Variants in GALNT13 observed in about 807,000 individuals in gnomAD.
The protein encoded by GALNT13 is polypeptide N-acetylgalactosaminyltransferase 13, also known as UDP-GalNAc:polypeptide N-acetylgalactosaminyltransferase 13.
In GALNT13, 28 loss-of-function variants were observed where a neutral mutation model predicts 64.2. That is an observed-to-expected ratio of 0.44 (90% CI 0.32 to 0.60). The LOEUF is 0.60. GALNT13 is among the 20% of genes least tolerant of loss of function. The pLI is 0.05. For synonymous variants in GALNT13, 214 were observed against 224.6 expected, an observed-to-expected ratio of 0.95 and a Z score of 0.42; for missense variants, 577 against 669.8, an observed-to-expected ratio of 0.86 and a Z score of 1.53.
At chr2:153,765,061 G>A in the GALNT13 span, among the ~76,000 whole-genome samples, 2 of 152,244 alleles carry the variant, frequency 1.3e-5, no homozygotes, top group Non-Finnish European at 2.9e-5. Context: ...CGGGGACGTA[G>A]TCCTCATGAA....
chr2:153,319,430 T>A, the GALNT13 span, among the ~76,000 whole-genome samples: 2 of 152,104 alleles, frequency 1.3e-5, no homozygotes, highest in Non-Finnish European at 2.9e-5. Context: ...CATATCCCCA[T>A]GCCCAGGTAG....
chr2:153,841,111 G>A, the GALNT13 span, among the ~76,000 whole-genome samples: 3 of 151,940 alleles, frequency 2.0e-5, no homozygotes, highest in Non-Finnish European at 4.4e-5. Context: ...ATATTTTAGT[G>A]TCATAACAAT....
chr2:153,710,299 A>AT, the GALNT13 span, among the ~76,000 whole-genome samples: 1 of 152,106 alleles, frequency 6.6e-6, no homozygotes, highest in South Asian at 2.1e-4. Flanking sequence ...CTTTTAAAAC[A>AT]TGAAACTACA....
the GALNT13 span, among the ~76,000 whole-genome samples, chr2:153,171,427 A>G: frequency 6.6e-6 from 1 of 152,198 alleles, no homozygotes; most frequent in Non-Finnish European, 1.5e-5. Context: ...TATTATTTAG[A>G]AATGCAAAAA....
the GALNT13 span, among the ~76,000 whole-genome samples, chr2:153,854,304 G>A: frequency 9.2e-5 from 14 of 151,836 alleles, no homozygotes; most frequent in African/African-American, 3.4e-4. Flanking sequence ...ATCAGGCCGG[G>A]TGCAGTGGCT....
Position 154,450,559 on chromosome 2 carries a change from GTCCTCCA to G in GALNT13, c.*9_*15del. The G allele has an allele frequency of 6.3e-7, 1 of 1,590,892 alleles. No homozygotes were observed. Among genetic ancestry groups the G allele is most frequent in the Non-Finnish European group, 8.5e-7 (1 of 1,171,614 alleles). ...ATGACCTTGGGCACATGAAGATCATGTCCTCCAAGCCATGAAAGTGTCTACGCTTTTG... is the reference window on the plus strand; with the variant it reads ...ATGACCTTGGGCACATGAAGATCATGAGCCATGAAAGTGTCTACGCTTTTG... On this transcript the variant is annotated 3_prime_UTR_variant, in exon 13 of 13. Coordinates refer to ENST00000392825, the MANE Select transcript of GALNT13 (RefSeq NM_052917.4).
At chr2:153,880,996 A>T (rs1040288023) in intron 1 of GALNT13, among the ~76,000 whole-genome samples, 6 of 152,196 alleles carry the variant, frequency 3.9e-5, no homozygotes, top group African/African-American at 1.4e-4. Context: ...AAGGAAATTA[A>T]AAAAGGCTGT....
intron 4 of GALNT13, among the ~76,000 whole-genome samples, chr2:154,240,766 G>A (rs1689438647): frequency 6.6e-6 from 1 of 152,186 alleles, no homozygotes; most frequent in Non-Finnish European, 1.5e-5. Flanking sequence ...AAGGACAGAG[G>A]ACTTTCTGTA....
chr2:153,477,856 A>C, the GALNT13 span: 8 of 229,940 alleles, frequency 3.5e-5, no homozygotes, highest in Non-Finnish European at 5.9e-5. Context: ...CAAGGCGATC[A>C]GTGCCGCTGG....
In GALNT13 at chr2:154,140,194, TAATCAGTAA is replaced by T. The variant is rs1683178858; in HGVS notation, c.143-138_143-130del. The T allele has an allele frequency of 6.9e-6, 4 of 577,010 alleles. No homozygotes were observed. In the Admixed American group the frequency reaches 1.0e-4, roughly 15 times the overall value. The allele number at this position is 577,010 out of a possible 1,614,324, so 35.7% of individuals were successfully genotyped here. A position where few individuals can be genotyped will look rare whatever the true frequency, so the allele number is the denominator to read the frequency against. ...TTTCTTTAGCAGAGTGTGTGGTTTATAATCAGTAAAATCTTGATCATTATATTATAAAAC... is the reference window on the plus strand; with the variant it reads ...TTTCTTTAGCAGAGTGTGTGGTTTATAATCTTGATCATTATATTATAAAAC... On this transcript the variant is annotated intron_variant, in intron 3 of 12. Coordinates refer to ENST00000392825, the MANE Select transcript of GALNT13 (RefSeq NM_052917.4).
rs569770996 is a variant in GALNT13, at chr2:154,063,890, C to T, written c.143-76447C>T. 7.9e-5 allele frequency among the ~76,000 whole-genome samples: 12 copies of T among 152,226 alleles called. No homozygotes were observed. The East Asian group carries it at 1.9e-3, about 25-fold the overall frequency. ...ACACCAAATTTAACAACTATCTACACAAAAAAGCAGCACCTTCATAAGAAC... is the reference window on the plus strand; with the variant it reads ...ACACCAAATTTAACAACTATCTACATAAAAAAGCAGCACCTTCATAAGAAC... On this transcript the variant is annotated intron_variant, in intron 3 of 12. Transcript: ENST00000392825.
chr2:154,257,012 A>G (rs1196223693), intron 7 of GALNT13, among the ~76,000 whole-genome samples: 4 of 152,186 alleles, frequency 2.6e-5, no homozygotes, highest in African/African-American at 9.6e-5. Context: ...GGCTATGGCT[A>G]TAGGTATTAA....
chr2:153,414,667 A>T, the GALNT13 span, among the ~76,000 whole-genome samples: 1 of 152,096 alleles, frequency 6.6e-6, no homozygotes, highest in South Asian at 2.1e-4. Context: ...CTAAAATGAG[A>T]CTTTAACAAG....
chr2:154,229,201 C>A (rs1688786061), intron 4 of GALNT13, among the ~76,000 whole-genome samples: 1 of 152,088 alleles, frequency 6.6e-6, no homozygotes, highest in Admixed American at 6.6e-5. Flanking sequence ...TCCTTCCAGT[C>A]ATAGCTTATC....
At chr2:153,563,089 A>T in the GALNT13 span, among the ~76,000 whole-genome samples, 2 of 127,958 alleles carry the variant, frequency 1.6e-5, no homozygotes, top group Admixed American at 1.5e-4. Context: ...TTATCTATGT[A>T]TCTATTTGTG....
the GALNT13 span, among the ~76,000 whole-genome samples, chr2:153,156,247 G>A: frequency 6.6e-6 from 1 of 152,156 alleles, no homozygotes; most frequent in Non-Finnish European, 1.5e-5. Context: ...TATTCATAAG[G>A]TTCAGTTGAT....
At chr2:153,638,725 G>A in the GALNT13 span, among the ~76,000 whole-genome samples, 2 of 152,058 alleles carry the variant, frequency 1.3e-5, no homozygotes, top group Non-Finnish European at 2.9e-5. Flanking sequence ...TAGGTAGGTA[G>A]ATATAGTGGT....
chr2:153,139,888 A>G, the GALNT13 span, among the ~76,000 whole-genome samples: 1 of 152,050 alleles, frequency 6.6e-6, no homozygotes, highest in African/African-American at 2.4e-5. Context: ...GTTGCTCCAT[A>G]GTTAACTATA....
chr2:154,438,767 G>T, intron 12 of GALNT13, 41 bp downstream of exon 12: 1 of 1,476,932 alleles, frequency 6.8e-7, no homozygotes, highest in Non-Finnish European at 9.3e-7. Flanking sequence ...TGATGCTTAA[G>T]CTCAGTTATA....
Sources: gnomAD v4.1 joint callset for allele counts (sites outside exome capture counted in the v4.1 genomes callset) on GRCh38, gnomAD v4.1.1 for gene constraint, MANE v1.5 for transcripts, NCBI Gene and HGNC (gene_info 2026-07-23, HGNC 2026-07-21) for gene names.